DLGAP4: variants seen among roughly 807,000 people sequenced by gnomAD.
The protein encoded by DLGAP4 is DLG associated protein 4, also known as disks large-associated protein 4.
A neutral mutation model predicts 86.9 loss-of-function variants in DLGAP4; 18 were observed. The ratio of observed to expected loss-of-function variants is 0.21; its 90% CI spans 0.14 to 0.31. DLGAP4 has a LOEUF of 0.31. Ranked by LOEUF, DLGAP4 falls within the 10% of genes least tolerant of loss-of-function variation. DLGAP4 has a pLI of 1.00. For missense variants in DLGAP4, 1,085 were observed against 1,362.6 expected (o/e 0.80, Z 3.21); for synonymous variants, 548 against 574.3 (o/e 0.95, Z 0.65).
chr20:36,472,719 A>G (rs1278992692), intron 7 of DLGAP4, among the ~76,000 whole-genome samples: 1 of 152,036 alleles, frequency 6.6e-6, no homozygotes, highest in Non-Finnish European at 1.5e-5. Context: ...GTAAAGTTTC[A>G]CTTTGGGGTT....
At chr20:36,425,483 G>A (rs566335298) in intron 2 of DLGAP4, among the ~76,000 whole-genome samples, 2 of 152,300 alleles carry the variant, frequency 1.3e-5, no homozygotes, top group South Asian at 2.1e-4. Context: ...TGGTGGGAAC[G>A]TCATATGGTG....
chr20:36,348,668 C>T (rs572137321), intron 1 of DLGAP4, among the ~76,000 whole-genome samples: 14 of 152,124 alleles, frequency 9.2e-5, no homozygotes, highest in South Asian at 4.2e-4. Flanking sequence ...CCGCCCACTT[C>T]GGCCTCCCAA....
intron 1 of DLGAP4, among the ~76,000 whole-genome samples, chr20:36,311,312 T>G (rs1322488268): frequency 6.6e-6 from 1 of 152,124 alleles, no homozygotes; most frequent in Non-Finnish European, 1.5e-5. Flanking sequence ...GCTTCTCACT[T>G]GCAGATCACA....
rs2036104692 is a variant in DLGAP4 at position 36,500,637 on chromosome 20, G to C, written c.2512+26G>C. The C allele has an allele frequency of 4.1e-6, 6 of 1,464,610 alleles. No individual in the cohort carries two copies. In the East Asian group the frequency reaches 1.5e-4, roughly 37 times the overall value. 90.7% of individuals were successfully genotyped at this position (1,464,610 alleles called of 1,614,324 possible). On this transcript the variant is annotated intron_variant, in intron 10 of 12. Transcript: ENST00000339266. This position sits in a 1 kb window ranked among gnomAD's most constrained non-coding sequence, Gnocchi z 4.6. Reference sequence around the variant, plus strand: ...GTGGGTGCCACATGGATGGTCCTTGGGCAAGGGTAGAAGGTGTTGGCAGCT... The same window carrying C: ...GTGGGTGCCACATGGATGGTCCTTGCGCAAGGGTAGAAGGTGTTGGCAGCT...
intron 10 of DLGAP4, among the ~76,000 whole-genome samples, chr20:36,520,863 C>G (rs2037338042): frequency 6.6e-6 from 1 of 151,956 alleles, no homozygotes; most frequent in African/African-American, 2.4e-5. Flanking sequence ...GACAGAGTCT[C>G]CCTCTGTTAC....
chr20:36,496,403 T>C (rs1031361918), intron 7 of DLGAP4, among the ~76,000 whole-genome samples: 2 of 152,204 alleles, frequency 1.3e-5, no homozygotes, highest in African/African-American at 4.8e-5. Context: ...GCACTTCACC[T>C]AGTACATGCC....
chr20:36,500,099 C>G lies in DLGAP4; in HGVS notation c.2100-100C>G. 1 of 1,338,432 alleles carries G rather than the reference C, an allele frequency of 7.5e-7. No homozygotes were observed. Among genetic ancestry groups the G allele is most frequent in the Non-Finnish European group, 1.0e-6 (1 of 981,064 alleles). 82.9% of individuals were successfully genotyped at this position (1,338,432 alleles called of 1,614,324 possible). ...TGGTGAGCAGATGATGCATCCGTTT[C>G]TCTGTCTCCCGTGTGTCCGGGTCAA... is the stretch of plus-strand genomic sequence containing the variant. On this transcript the variant is annotated intron_variant, in intron 9 of 12. Transcript: ENST00000339266. This position sits in a 1 kb window ranked among gnomAD's most constrained non-coding sequence, Gnocchi z 4.6.
intron 1 of DLGAP4, among the ~76,000 whole-genome samples, chr20:36,327,228 G>A (rs1280860963): frequency 6.6e-6 from 1 of 151,876 alleles, no homozygotes; most frequent in African/African-American, 2.4e-5. Flanking sequence ...TTGAACTCCT[G>A]ACCTCAAGTG....
intron 7 of DLGAP4, among the ~76,000 whole-genome samples, chr20:36,476,318 CTTTTTT>C (rs1028980966): frequency 2.5e-5 from 3 of 119,638 alleles, no homozygotes; most frequent in South Asian, 5.5e-4. Flanking sequence ...TGGCAACCAC[CTTTTTT>C]TTTTTTTTTT....
At chr20:36,374,682 A>G (rs561860261) in intron 2 of DLGAP4, among the ~76,000 whole-genome samples, 1 of 152,324 alleles carries the variant, frequency 6.6e-6, no homozygotes, top group African/African-American at 2.4e-5. Context: ...GGAGCCTTAG[A>G]TATCTAATGG....
intron 7 of DLGAP4, among the ~76,000 whole-genome samples, chr20:36,482,980 A>G (rs2035256772): frequency 6.6e-6 from 1 of 152,188 alleles, no homozygotes. Context: ...CCAAATGGTT[A>G]TAGCTTTGAT....
Position 36,527,053 on chromosome 20 carries a change from C to T in DLGAP4, c.*22C>T, listed in dbSNP as rs376142262. ...CTGAGACCATGCAGGAGGAAAGAAACGATTTTAAATCATTAAAAACACAAA... is the reference window on the plus strand; with the variant it reads ...CTGAGACCATGCAGGAGGAAAGAAATGATTTTAAATCATTAAAAACACAAA... On this transcript the variant is annotated 3_prime_UTR_variant, in exon 13 of 13. Coordinates refer to ENST00000339266, the MANE Select transcript of DLGAP4 (RefSeq NM_001365621.2). The T allele has an allele frequency of 8.9e-6, 14 of 1,564,904 alleles. No individual in the cohort carries two copies. Among genetic ancestry groups the T allele is most frequent in the African/African-American group, 6.9e-5 (5 of 72,026 alleles).
chr20:36,432,937 G>C lies in DLGAP4; in HGVS notation c.999+221G>C, dbSNP rs1569497580. Among the ~76,000 whole-genome samples, 1 of 152,274 alleles carries C rather than the reference G, an allele frequency of 6.6e-6. No individual in the cohort carries two copies. The highest frequency in any genetic ancestry group is 1.9e-4 in the East Asian group (1 of 5,184). Reference sequence around the variant, plus strand: ...TTAGGGCCTTTCTGAGCCCAGCCCTGAGCAGGGACTAAAATATGTTCCTGC... The same window carrying C: ...TTAGGGCCTTTCTGAGCCCAGCCCTCAGCAGGGACTAAAATATGTTCCTGC... On this transcript the variant is annotated intron_variant, in intron 3 of 12. Transcript: ENST00000339266. This position sits in a 1 kb window ranked among gnomAD's most constrained non-coding sequence, Gnocchi z 6.5.
chr20:36,524,667 C>A lies in DLGAP4; in HGVS notation c.2604+326C>A, dbSNP rs543320108. 4.6e-5 allele frequency among the ~76,000 whole-genome samples: 7 copies of A among 152,254 alleles called. No individual in the cohort carries two copies. The South Asian group carries it at 1.2e-3, about 27-fold the overall frequency. On this transcript the variant is annotated intron_variant, in intron 11 of 12. Coordinates refer to ENST00000339266, the MANE Select transcript of DLGAP4 (RefSeq NM_001365621.2). ...GCCTGTAATTCCAACACTTGGGAGG[C>A]TGAGGCGGGTGGATCACCTGAGGTC...
chr20:36,430,306 C>T (rs1377235235), intron 2 of DLGAP4, among the ~76,000 whole-genome samples: 1 of 152,208 alleles, frequency 6.6e-6, no homozygotes, highest in African/African-American at 2.4e-5. Context: ...TGCTTCATCT[C>T]AATTGGAAAT....
chr20:36,376,801 T>TG (rs1202331343), intron 2 of DLGAP4, among the ~76,000 whole-genome samples: 2 of 152,158 alleles, frequency 1.3e-5, no homozygotes, highest in Middle Eastern at 6.3e-3. Context: ...CTTCCCCTTG[T>TG]GGAGCCTCAG....
chr20:36,361,624 G>A (rs568243818), intron 1 of DLGAP4, among the ~76,000 whole-genome samples: 13 of 152,230 alleles, frequency 8.5e-5, no homozygotes, highest in Admixed American at 1.3e-4. Flanking sequence ...GGACGGGGGC[G>A]ACTCTGGGGG....
At chr20:36,447,831 C>T (rs973371289) in intron 7 of DLGAP4, among the ~76,000 whole-genome samples, 2 of 133,644 alleles carry the variant, frequency 1.5e-5, no homozygotes, top group African/African-American at 5.7e-5. Flanking sequence ...CATGTTCTCA[C>T]TCATAAGTGG....
rs781918396 is a variant in DLGAP4, at chr20:36,343,626, C to G, written c.-303-23419C>G. Among the ~76,000 whole-genome samples the G allele has an allele frequency of 1.9e-3, 297 of 152,336 alleles. 2 individuals are homozygous for G. The highest frequency in any genetic ancestry group is 2.4e-3 in the Non-Finnish European group (160 of 68,030). Reference sequence around the variant, plus strand: ...TTTTTGAGGCTACCAGGTACCCCCCCCCAACCCCCCGTTGGGTGAATTTGA... The same window carrying G: ...TTTTTGAGGCTACCAGGTACCCCCCGCCAACCCCCCGTTGGGTGAATTTGA... On this transcript the variant is annotated intron_variant, in intron 1 of 12. Transcript: ENST00000339266.
Sources: gnomAD v4.1 joint callset for allele counts (sites outside exome capture counted in the v4.1 genomes callset) on GRCh38, gnomAD v4.1.1 for gene constraint, Gnocchi (gnomAD v3.1) non-coding constraint, MANE v1.5 for transcripts, NCBI Gene and HGNC (gene_info 2026-07-23, HGNC 2026-07-21) for gene names.